The following AOX1 variants were observed in gnomAD, a reference collection of about 807,000 sequenced individuals.
The protein encoded by AOX1 is aldehyde oxidase 1, also known as aldehyde oxidase.
In AOX1, 153 loss-of-function variants were observed where a neutral mutation model predicts 169.5. The observed-to-expected ratio is 0.90, with a 90% CI of 0.79 to 1.03. The LOEUF (loss-of-function observed/expected upper bound fraction) is 1.03, where lower values mean the gene tolerates loss of function less well. Among genes scored for constraint, AOX1 ranks in the 50% least tolerant of loss-of-function variants. The pLI is 0.00. For missense variants in AOX1, 1,656 were observed against 1,663.9 expected, an observed-to-expected ratio of 1.00 and a Z score of 0.08; for synonymous variants, 562 against 581.9, an observed-to-expected ratio of 0.97 and a Z score of 0.49.
intron 19 of AOX1, among the ~76,000 whole-genome samples, chr2:200,624,829 T>G (rs6732225): frequency 0.29 from 44,726 of 152,090 alleles, 7,114 homozygotes; most frequent in East Asian, 0.39. Flanking sequence ...GAATGAACAC[T>G]GGGGAGGCAG....
chr2:200,615,783 C>G (rs903349723), intron 15 of AOX1, among the ~76,000 whole-genome samples, 188 bp from the exon 16 acceptor site: 2 of 152,134 alleles, frequency 1.3e-5, no homozygotes, highest in African/African-American at 2.4e-5. Flanking sequence ...TATGTATGCA[C>G]CTTTCAGAGT....
intron 1 of AOX1, among the ~76,000 whole-genome samples, chr2:200,586,716 G>C (rs2034041418): frequency 6.6e-6 from 1 of 152,214 alleles, no homozygotes; most frequent in South Asian, 2.1e-4. Flanking sequence ...GTTCCTGGCA[G>C]AGCTGAACCC....
chr2:200,651,280 T>C, intron 26 of AOX1, 79 bp downstream of exon 26: 2 of 1,220,380 alleles, frequency 1.6e-6, no homozygotes, highest in Non-Finnish European at 2.4e-6. Context: ...AAACTTCTCC[T>C]TAAGTCATAT....
intron 1 of AOX1, among the ~76,000 whole-genome samples, chr2:200,591,738 A>G (rs2034176995): frequency 6.6e-6 from 1 of 152,172 alleles, no homozygotes; most frequent in Non-Finnish European, 1.5e-5. Flanking sequence ...AAATTTAGGC[A>G]TATACATGAG....
At position 200,609,105 on chromosome 2, in the gene AOX1, T is replaced by C; in HGVS notation, c.1029T>C (p.Thr343=). ...MYHALLKHLG[T]LAGSQIRNMA... The stretch of plus-strand genomic sequence containing the variant: ...ATGCTCTCCTGAAGCATTTGGGAAC[T>C]CTGGCTGGGTCCCAGATCAGGAACA... Residue 343 remains threonine, a synonymous_variant, in exon 11 of 35, where the codon ACT becomes ACC. Coordinates refer to ENST00000374700, the MANE Select transcript of AOX1 (RefSeq NM_001159.4). 6.2e-7 allele frequency: 1 copy of C among 1,614,092 alleles called. No individual in the cohort carries two copies. The highest frequency in any genetic ancestry group is 1.1e-5 in the South Asian group (1 of 91,072).
At chr2:200,601,501 A>T (rs1193565054) in intron 5 of AOX1, among the ~76,000 whole-genome samples, 1 of 152,206 alleles carries the variant, frequency 6.6e-6, no homozygotes, top group Non-Finnish European at 1.5e-5. Context: ...GAGGGAAGTT[A>T]GAGGTAATAG....
At chr2:200,604,136 A>G in intron 8 of AOX1, 39 bp downstream of exon 8, 1 of 1,419,484 alleles carries the variant, frequency 7.0e-7, no homozygotes, top group Non-Finnish European at 1.0e-6. Context: ...AGAAGAATTC[A>G]TGGTGAAATA....
intron 25 of AOX1, among the ~76,000 whole-genome samples, chr2:200,650,745 G>T (rs2035563116): frequency 6.6e-6 from 1 of 152,216 alleles, no homozygotes; most frequent in South Asian, 2.1e-4. Context: ...CTTTAAAGTT[G>T]CACAAGAGTA....
At chr2:200,599,972 T>C (rs1214770481) in intron 5 of AOX1, among the ~76,000 whole-genome samples, 10 of 152,174 alleles carry the variant, frequency 6.6e-5, no homozygotes, top group Admixed American at 6.5e-4. Context: ...TGGATACCTT[T>C]CATGTGCCAC....
At chr2:200,645,324 G>A (rs2035429996) in intron 25 of AOX1, among the ~76,000 whole-genome samples, 1 of 152,072 alleles carries the variant, frequency 6.6e-6, no homozygotes, top group Admixed American at 6.6e-5. Flanking sequence ...GCATTGAGAT[G>A]ATCATGTGAT....
At chr2:200,679,405 A>C (rs1304376025), downstream of AOX1, 1 of 152,072 alleles carries the variant, frequency 6.6e-6, no homozygotes, top group Non-Finnish European at 1.5e-5. Flanking sequence ...CACCTAACCC[A>C]GGATTCACCC....
chr2:200,643,857 G>T (rs2035402361), intron 25 of AOX1, among the ~76,000 whole-genome samples: 1 of 152,060 alleles, frequency 6.6e-6, no homozygotes, highest in Admixed American at 6.6e-5. Context: ...TCTATATCTT[G>T]TTTTGTGAAT....
chr2:200,669,473 G>A (rs2035986218), intron 33 of AOX1, 102 bp from the exon 34 acceptor site: 1 of 1,268,704 alleles, frequency 7.9e-7, no homozygotes, highest in Non-Finnish European at 1.1e-6. Context: ...ATGTACATAT[G>A]TAGTACGTAA....
At chr2:200,628,731 C>T (rs193115860) in intron 20 of AOX1, among the ~76,000 whole-genome samples, 77 of 152,258 alleles carry the variant, frequency 5.1e-4, no homozygotes, top group Non-Finnish European at 7.9e-4. Flanking sequence ...GAATTCAAGA[C>T]CAGCCTGGCC....
downstream of AOX1, among the ~76,000 whole-genome samples, chr2:200,680,713 T>C (rs1028559679): frequency 1.3e-4 from 20 of 152,072 alleles, no homozygotes; most frequent in African/African-American, 4.8e-4. Flanking sequence ...TCTCAGCTTA[T>C]TTTTGCATTT....
chr2:200,597,567 C>T, intron 4 of AOX1, 62 bp downstream of exon 4: 1 of 1,304,872 alleles, frequency 7.7e-7, no homozygotes, highest in Non-Finnish European at 1.1e-6. Flanking sequence ...ACATTGAGTC[C>T]CTGAGATTAA....
chr2:200,669,772 G>A (rs1471856671), intron 34 of AOX1, 30 bp downstream of exon 34: 2 of 1,603,394 alleles, frequency 1.2e-6, no homozygotes, highest in Non-Finnish European at 1.7e-6. Context: ...AAAAAATAGT[G>A]ATCATAAAAT....
downstream of AOX1, among the ~76,000 whole-genome samples, chr2:200,675,522 G>T (rs930596763): frequency 2.0e-5 from 3 of 152,138 alleles, no homozygotes; most frequent in Non-Finnish European, 2.9e-5. Flanking sequence ...TTTAGAAGGT[G>T]ATTTAGTTGG....
downstream of AOX1, among the ~76,000 whole-genome samples, chr2:200,676,010 T>C (rs2036092962): frequency 1.3e-5 from 2 of 152,068 alleles, no homozygotes; most frequent in South Asian, 4.2e-4. Flanking sequence ...CTATCAAAAA[T>C]TATGTATGCA....
Sources: allele counts gnomAD v4.1 joint callset (sites outside exome capture counted in the v4.1 genomes callset), GRCh38; gene constraint gnomAD v4.1.1; transcripts MANE v1.5; gene names NCBI Gene and HGNC (gene_info 2026-07-23, HGNC 2026-07-21).